TAFA1: variants seen among roughly 807,000 people sequenced by gnomAD.
TAFA1 encodes the protein TAFA chemokine like family member 1.
In TAFA1, 4 loss-of-function variants were observed where a neutral mutation model predicts 18.5. That is an observed-to-expected ratio of 0.22 (90% confidence interval 0.11 to 0.49). The LOEUF is 0.49. Among genes scored for constraint, TAFA1 ranks in the 20% least tolerant of loss-of-function variants. The pLI is 0.98. For missense variants in TAFA1, 147 were observed against 169.0 expected (o/e 0.87, Z 0.72); for synonymous variants, 56 against 55.2 (o/e 1.01, Z -0.06).
chr3:68,155,904 A>T (rs2065861742), intron 2 of TAFA1, among the ~76,000 whole-genome samples: 1 of 152,166 alleles, frequency 6.6e-6, no homozygotes, highest in Non-Finnish European at 1.5e-5. Flanking sequence ...ACAATTACTA[A>T]TTGATCCAAG....
chr3:68,330,071 T>A (rs1490444364), intron 2 of TAFA1, among the ~76,000 whole-genome samples: 1 of 152,312 alleles, frequency 6.6e-6, no homozygotes, highest in Non-Finnish European at 1.5e-5. Flanking sequence ...TTAATAGATA[T>A]GTGACTGTGT....
Position 68,538,805 on chromosome 3 carries a change from A to C in TAFA1, c.309A>C (p.Glu103Asp), listed in dbSNP as rs1323533518. 6.2e-7 allele frequency: 1 copy of C among 1,613,498 alleles called. No homozygotes were observed. Among genetic ancestry groups the C allele is most frequent in the African/African-American group, 1.3e-5 (1 of 74,902 alleles). The change falls in exon 4 of 5, where the codon GAA becomes GAC. Residue 103 changes from glutamate to aspartate, a missense_variant. Physicochemically the swap from Glu to Asp is conservative, Grantham distance 45. Coordinates refer to ENST00000478136, the MANE Select transcript of TAFA1 (RefSeq NM_213609.4). Reference protein sequence around the residue: ...KWWCEMEPCLEGEECKTLPDN... With the variant: ...KWWCEMEPCLDGEECKTLPDN... ...GGTGTGAGATGGAGCCTTGCCTAGA[A>C]GGAGAAGAATGTAAGACACTCCCTG...
At chr3:68,409,853 A>G (rs956564465) in intron 2 of TAFA1, among the ~76,000 whole-genome samples, 3 of 152,142 alleles carry the variant, frequency 2.0e-5, no homozygotes. Flanking sequence ...CTGACTTACA[A>G]TGCCAGTTGT....
chr3:68,073,982 T>C (rs1278928003), intron 2 of TAFA1, among the ~76,000 whole-genome samples: 2 of 152,190 alleles, frequency 1.3e-5, no homozygotes, highest in Admixed American at 1.3e-4. Context: ...TATTATTACA[T>C]TATAATGTAT....
intron 2 of TAFA1, among the ~76,000 whole-genome samples, chr3:68,385,537 A>G (rs1373046121): frequency 1.3e-5 from 2 of 152,088 alleles, no homozygotes; most frequent in African/African-American, 4.8e-5. Context: ...AGGATACACT[A>G]TTCGTTTCTG....
chr3:68,147,419 C>T (rs1350109241), intron 2 of TAFA1, among the ~76,000 whole-genome samples: 1 of 152,104 alleles, frequency 6.6e-6, no homozygotes, highest in Non-Finnish European at 1.5e-5. Flanking sequence ...CTTTCTGCTC[C>T]TGCCTCTGCC....
chr3:68,255,596 G>A (rs1399924259), intron 2 of TAFA1, among the ~76,000 whole-genome samples: 1 of 151,926 alleles, frequency 6.6e-6, no homozygotes, highest in Non-Finnish European at 1.5e-5. Context: ...GTGATGCCAG[G>A]GTCAATGGCC....
intron 2 of TAFA1, among the ~76,000 whole-genome samples, chr3:68,187,914 A>T (rs934083459): frequency 9.9e-5 from 15 of 151,914 alleles, no homozygotes; most frequent in Non-Finnish European, 1.8e-4. Context: ...ATTACTAATG[A>T]AGTTGAGCAA....
At chr3:68,531,033 A>ACAAAG (rs2073181413) in intron 3 of TAFA1, among the ~76,000 whole-genome samples, 1 of 151,988 alleles carries the variant, frequency 6.6e-6, no homozygotes, top group African/African-American at 2.4e-5. Flanking sequence ...ACAAAACAAA[A>ACAAAG]CAAAACAAAA....
At chr3:68,374,084 C>T (rs1377655733) in intron 2 of TAFA1, among the ~76,000 whole-genome samples, 1 of 152,166 alleles carries the variant, frequency 6.6e-6, no homozygotes, top group Non-Finnish European at 1.5e-5. Context: ...TGTCACCCTC[C>T]TCTTTGCATC....
intron 2 of TAFA1, among the ~76,000 whole-genome samples, chr3:68,279,357 T>A (rs1202225870): frequency 2.0e-5 from 3 of 151,608 alleles, no homozygotes; most frequent in Non-Finnish European, 4.4e-5. Flanking sequence ...CACTACTTTA[T>A]GCTTCTTGGA....
chr3:68,120,248 T>TC (rs1420731315), intron 2 of TAFA1, among the ~76,000 whole-genome samples: 1 of 102,930 alleles, frequency 9.7e-6, no homozygotes, highest in African/African-American at 3.7e-5. Flanking sequence ...TTTCTTTCTT[T>TC]CTTTCTTTCT....
At chr3:68,534,023 G>A (rs541886841) in intron 3 of TAFA1, among the ~76,000 whole-genome samples, 8 of 151,988 alleles carry the variant, frequency 5.3e-5, no homozygotes, top group South Asian at 2.1e-4. Flanking sequence ...TATTTTACCC[G>A]TATATATATG....
intron 3 of TAFA1, among the ~76,000 whole-genome samples, chr3:68,535,074 T>TG (rs763375974): frequency 6.6e-6 from 1 of 152,150 alleles, no homozygotes; most frequent in Non-Finnish European, 1.5e-5. Flanking sequence ...AAATATTAGG[T>TG]GGGGTTTAAG....
intron 3 of TAFA1, among the ~76,000 whole-genome samples, chr3:68,460,120 TA>T (rs574071667): frequency 4.3e-4 from 65 of 149,814 alleles, no homozygotes; most frequent in Middle Eastern, 3.4e-3. Context: ...AATGAGGCTT[TA>T]AAAAAAAAAT....
intron 3 of TAFA1, among the ~76,000 whole-genome samples, chr3:68,452,561 G>A (rs1444115232): frequency 6.7e-6 from 1 of 150,150 alleles, no homozygotes; most frequent in Admixed American, 6.6e-5. Flanking sequence ...AAAAAACCTG[G>A]TAAGAACATG....
chr3:68,175,957 G>A (rs2066119516), intron 2 of TAFA1, among the ~76,000 whole-genome samples: 1 of 152,140 alleles, frequency 6.6e-6, no homozygotes, highest in African/African-American at 2.4e-5. Context: ...TCTTGTGATA[G>A]TGAATATGTC....
intron 2 of TAFA1, among the ~76,000 whole-genome samples, chr3:68,291,452 A>G (rs746189130): frequency 6.6e-6 from 1 of 152,132 alleles, no homozygotes; most frequent in Non-Finnish European, 1.5e-5. Flanking sequence ...TGCAGATCCC[A>G]TTTACAACAA....
Position 68,009,873 on chromosome 3 carries a change from T to C in TAFA1, c.118+3129T>C, listed in dbSNP as rs151236634. On this transcript the variant is annotated intron_variant, in intron 2 of 4. Transcript: ENST00000478136. ...AATGTGTATGAAAACAAGATAGAAA[T>C]CAGGGCCAGTTATCTGTGACAATCC... is the stretch of plus-strand genomic sequence containing the variant. Among the ~76,000 whole-genome samples, 1,100 of 152,262 alleles carry C rather than the reference T, an allele frequency of 7.2e-3. 17 individuals are homozygous for C. The highest frequency in any genetic ancestry group is 0.026 in the African/African-American group (1,060 of 41,544).
Sources: gnomAD v4.1 joint callset for allele counts (sites outside exome capture counted in the v4.1 genomes callset) on GRCh38, gnomAD v4.1.1 for gene constraint, MANE v1.5 for transcripts, NCBI Gene and HGNC (gene_info 2026-07-23, HGNC 2026-07-21) for gene names.